L3MBTL4: variants seen among roughly 807,000 people sequenced by gnomAD.
The protein encoded by L3MBTL4 is lethal(3)malignant brain tumor-like protein 4.
Under a neutral mutation model 84.5 loss-of-function variants are expected in L3MBTL4, and 70 were observed. The ratio of observed to expected loss-of-function variants is 0.83; its 90% CI spans 0.68 to 1.01. L3MBTL4 has a LOEUF of 1.01. L3MBTL4 is among the 50% of genes least tolerant of loss of function. The probability of loss-of-function intolerance (pLI) is 0.00; values close to 1 mark genes in which losing one functional copy is unlikely to be tolerated. For missense variants in L3MBTL4, 715 were observed against 754.8 expected, an observed-to-expected ratio of 0.95 and a Z score of 0.62; for synonymous variants, 274 against 259.8, an observed-to-expected ratio of 1.05 and a Z score of -0.52.
At chr18:6,262,061 G>A (rs1279372683) in intron 5 of L3MBTL4, among the ~76,000 whole-genome samples, 1 of 152,080 alleles carries the variant, frequency 6.6e-6, no homozygotes, top group African/African-American at 2.4e-5. Flanking sequence ...AGCAGCCATC[G>A]GGGCGCAAAC....
intron 4 of L3MBTL4, among the ~76,000 whole-genome samples, chr18:6,294,638 C>T (rs1213589413): frequency 6.6e-6 from 1 of 152,164 alleles, no homozygotes; most frequent in Non-Finnish European, 1.5e-5. Flanking sequence ...GCACTGCCTA[C>T]AGGGCTTGAA....
In L3MBTL4 at chr18:6,215,849, T is replaced by C. The variant is rs753708066; in HGVS notation, c.785-14A>G. ...GATTGGGATAACCTGAAAATATATATATATAAATAGCAAAAGATTACTCAT... is the reference window on the plus strand; with the variant it reads ...GATTGGGATAACCTGAAAATATATACATATAAATAGCAAAAGATTACTCAT... On this transcript the variant is annotated splice_polypyrimidine_tract_variant and intron_variant, in intron 10 of 18. Transcript: ENST00000317931. 7.1e-6 allele frequency: 10 copies of C among 1,404,018 alleles called. No individual in the cohort carries two copies. In the Middle Eastern group the frequency reaches 1.1e-3, roughly 156 times the overall value. 87.0% of individuals were successfully genotyped at this position (1,404,018 alleles called of 1,614,324 possible).
intron 16 of L3MBTL4, among the ~76,000 whole-genome samples, chr18:5,997,865 T>G (rs769007212): frequency 6.6e-6 from 1 of 152,198 alleles, no homozygotes; most frequent in African/African-American, 2.4e-5. Flanking sequence ...GTGGGTTATA[T>G]GTAAGTATTA....
At chr18:6,256,484 T>A (rs985069780) in intron 5 of L3MBTL4, among the ~76,000 whole-genome samples, 7 of 151,654 alleles carry the variant, frequency 4.6e-5, no homozygotes, top group Non-Finnish European at 1.5e-5. Flanking sequence ...TGCAACCTTA[T>A]CATCCTGCAG....
rs139732415 is a variant in L3MBTL4, at chr18:6,010,296, C to T, written c.1445-40734G>A. Among the ~76,000 whole-genome samples, 22 of 152,214 alleles carry T rather than the reference C, an allele frequency of 1.4e-4. No homozygotes were observed. The East Asian group carries it at 3.7e-3, about 25-fold the overall frequency. On this transcript the variant is annotated intron_variant, in intron 16 of 18. Transcript: ENST00000317931. Reference sequence around the variant, plus strand: ...TTGGAGTTTAGAGTTTAAAATGTTGCTAATCTAATAAGAAACCCAGGATGA... The same window carrying T: ...TTGGAGTTTAGAGTTTAAAATGTTGTTAATCTAATAAGAAACCCAGGATGA...
intron 14 of L3MBTL4, among the ~76,000 whole-genome samples, chr18:6,116,095 TGCTCTAATA>T (rs1190902017): frequency 3.3e-5 from 5 of 152,186 alleles, no homozygotes; most frequent in African/African-American, 9.6e-5. Context: ...TGGACAGAGA[TGCTCTAATA>T]GCTAAAGTGG....
intron 15 of L3MBTL4, among the ~76,000 whole-genome samples, chr18:6,085,352 C>T (rs1360112945): frequency 6.6e-6 from 1 of 152,102 alleles, no homozygotes; most frequent in African/African-American, 2.4e-5. Context: ...TTACCCATGA[C>T]ATATTGTTAA....
At chr18:6,345,340 T>C (rs1445863824) in intron 1 of L3MBTL4, among the ~76,000 whole-genome samples, 1 of 151,178 alleles carries the variant, frequency 6.6e-6, no homozygotes. Flanking sequence ...GAGGTTGCAG[T>C]GAGCCGAGAT....
chr18:6,298,703 T>C lies in L3MBTL4; in HGVS notation c.127+3200A>G, dbSNP rs573033410. Reference sequence around the variant, plus strand: ...GCCTGGCCGATATGGTGAAACCCCATCTCTACTACAAATACAAAAAATTAG... The same window carrying C: ...GCCTGGCCGATATGGTGAAACCCCACCTCTACTACAAATACAAAAAATTAG... On this transcript the variant is annotated intron_variant, in intron 4 of 18. Coordinates refer to ENST00000317931, the MANE Select transcript of L3MBTL4 (RefSeq NM_001330559.2). Among the ~76,000 whole-genome samples, 10 of 152,202 alleles carry C rather than the reference T, an allele frequency of 6.6e-5. No homozygotes were observed. The South Asian group carries it at 2.1e-3, about 32-fold the overall frequency.
At chr18:6,289,127 A>C (rs1473599292) in intron 4 of L3MBTL4, among the ~76,000 whole-genome samples, 1 of 152,140 alleles carries the variant, frequency 6.6e-6, no homozygotes, top group Non-Finnish European at 1.5e-5. Flanking sequence ...AAATTGTAGG[A>C]CTGAGACTGA....
rs563895137 is a variant in L3MBTL4, at chr18:6,238,406, G to A, written c.708-366C>T. On this transcript the variant is annotated intron_variant, in intron 9 of 18. Transcript: ENST00000317931. Reference sequence around the variant, plus strand: ...AAATTAGCCAGGTGTGGTGGCGGGCGCCTGTAGTCCCAGCTACTCGGGAGG... The same window carrying A: ...AAATTAGCCAGGTGTGGTGGCGGGCACCTGTAGTCCCAGCTACTCGGGAGG... Among the ~76,000 whole-genome samples the A allele has an allele frequency of 2.1e-3, 315 of 152,188 alleles. 2 individuals carry two copies. The highest frequency in any genetic ancestry group is 7.3e-3 in the African/African-American group (302 of 41,518).
In L3MBTL4 at chr18:6,138,079, G is replaced by A; in HGVS notation, c.1199+115C>T. On this transcript the variant is annotated intron_variant, in intron 14 of 18. Coordinates refer to ENST00000317931, the MANE Select transcript of L3MBTL4 (RefSeq NM_001330559.2). Reference sequence around the variant, plus strand: ...AAAGGCCTCAGCAACACAGAGGTGGGAGTGTCACAGGGGCAGCTGGCTCCA... The same window carrying A: ...AAAGGCCTCAGCAACACAGAGGTGGAAGTGTCACAGGGGCAGCTGGCTCCA... 5.1e-6 allele frequency: 3 copies of A among 583,762 alleles called. No homozygotes were observed. The South Asian group carries it at 8.6e-5, about 17-fold the overall frequency. The allele number at this position is 583,762 out of a possible 1,614,324, so 36.2% of individuals were successfully genotyped here.
At position 6,190,920 on chromosome 18, in the gene L3MBTL4, C is replaced by T. The variant is rs114701758; in HGVS notation, c.982-18978G>A. On this transcript the variant is annotated intron_variant, in intron 12 of 18. Transcript: ENST00000317931. ...GAGTAGAGATCCTGAGGTAGCAGTC[C>T]AACATGTGTAGGAAAAGCAAGAAGT... 3.8e-3 allele frequency among the ~76,000 whole-genome samples: 581 copies of T among 152,084 alleles called. 4 individuals are homozygous for T. Among genetic ancestry groups the T allele is most frequent in the African/African-American group, 0.014 (564 of 41,484 alleles).
At chr18:6,039,224 A>C (rs2056293298) in intron 16 of L3MBTL4, among the ~76,000 whole-genome samples, 1 of 151,888 alleles carries the variant, frequency 6.6e-6, no homozygotes, top group East Asian at 1.9e-4. Context: ...TGATAAAGCC[A>C]CCCAGACTGT....
At chr18:6,263,654 C>G (rs764979734) in intron 5 of L3MBTL4, among the ~76,000 whole-genome samples, 1 of 152,188 alleles carries the variant, frequency 6.6e-6, no homozygotes, top group South Asian at 2.1e-4. Flanking sequence ...ACGGGTACAA[C>G]TGATTTAGTC....
chr18:6,019,817 A>ATGT (rs2055170569), intron 16 of L3MBTL4, among the ~76,000 whole-genome samples: 2 of 152,046 alleles, frequency 1.3e-5, no homozygotes, highest in Non-Finnish European at 2.9e-5. Flanking sequence ...AAAGTTAGCC[A>ATGT]CTCCCTTTTC....
At chr18:6,167,158 C>T (rs1598982293) in intron 13 of L3MBTL4, among the ~76,000 whole-genome samples, 1 of 152,198 alleles carries the variant, frequency 6.6e-6, no homozygotes, top group Non-Finnish European at 1.5e-5. Flanking sequence ...AGATCAATAA[C>T]AGGCTCTGAA....
intron 1 of L3MBTL4, among the ~76,000 whole-genome samples, chr18:6,337,706 A>G (rs2052410387): frequency 6.6e-6 from 1 of 152,154 alleles, no homozygotes. Context: ...GTGAAAACTC[A>G]CTAAGCTGAA....
rs114079930 is a variant in L3MBTL4 at position 6,239,022 on chromosome 18, T to C, written c.707+696A>G. On this transcript the variant is annotated intron_variant, in intron 9 of 18. Coordinates refer to ENST00000317931, the MANE Select transcript of L3MBTL4 (RefSeq NM_001330559.2). Reference sequence around the variant, plus strand: ...TAGGCTTTCGAAGAATTCACTCCCATTGTCCCAGAATCTTTCCTTTTAAAA... The same window carrying C: ...TAGGCTTTCGAAGAATTCACTCCCACTGTCCCAGAATCTTTCCTTTTAAAA... 4.2e-3 allele frequency among the ~76,000 whole-genome samples: 635 copies of C among 152,214 alleles called. 8 individuals are homozygous for C. Among genetic ancestry groups the C allele is most frequent in the African/African-American group, 0.015 (616 of 41,540 alleles).
Sources: gnomAD v4.1 joint callset for allele counts (sites outside exome capture counted in the v4.1 genomes callset) on GRCh38, gnomAD v4.1.1 for gene constraint, MANE v1.5 for transcripts, NCBI Gene and HGNC (gene_info 2026-07-23, HGNC 2026-07-21) for gene names.